Variants in PPM1L observed in about 807,000 individuals in gnomAD.
PPM1L encodes the protein protein phosphatase 1L.
PPM1L carries 13 observed loss-of-function variants against 31.4 expected under a neutral mutation model. The observed-to-expected ratio is 0.41, with a 90% CI of 0.27 to 0.66. The LOEUF (loss-of-function observed/expected upper bound fraction) is 0.66. PPM1L is among the 30% of genes least tolerant of loss of function. The pLI is 0.29. For synonymous variants in PPM1L, 184 were observed against 175.4 expected, an observed-to-expected ratio of 1.05 and a Z score of -0.39; for missense variants, 326 against 453.7, an observed-to-expected ratio of 0.72 and a Z score of 2.56.
chr3:160,949,874 A>C (rs1051432923), intron 1 of PPM1L, among the ~76,000 whole-genome samples: 1 of 152,224 alleles, frequency 6.6e-6, no homozygotes, highest in Non-Finnish European at 1.5e-5. Context: ...CAAGGTGATG[A>C]TTCCTATTTG....
intron 1 of PPM1L, among the ~76,000 whole-genome samples, chr3:160,768,017 G>A (rs111258776): frequency 0.017 from 2,529 of 152,212 alleles, 67 homozygotes; most frequent in African/African-American, 0.057. Flanking sequence ...ATCTTTGATC[G>A]TAGTGTTTAT....
At chr3:160,796,067 C>T (rs1712238172) in intron 1 of PPM1L, among the ~76,000 whole-genome samples, 1 of 152,210 alleles carries the variant, frequency 6.6e-6, no homozygotes, top group South Asian at 2.1e-4. Context: ...TCTCCTGATT[C>T]AAACCTGGGA....
intron 2 of PPM1L, among the ~76,000 whole-genome samples, chr3:160,964,811 T>C (rs11709802): frequency 0.87 from 132,502 of 151,946 alleles, 58,032 homozygotes; most frequent in Middle Eastern, 0.93. Flanking sequence ...GAATGAGTGT[T>C]GCTGTGTGTT....
At chr3:160,811,688 T>C (rs962521756) in intron 1 of PPM1L, among the ~76,000 whole-genome samples, 2 of 152,176 alleles carry the variant, frequency 1.3e-5, no homozygotes, top group Admixed American at 1.3e-4. Flanking sequence ...GCTAGATAGA[T>C]ATGGTTCTGA....
At chr3:160,886,602 G>T (rs1207022923) in intron 1 of PPM1L, among the ~76,000 whole-genome samples, 1 of 152,072 alleles carries the variant, frequency 6.6e-6, no homozygotes, top group Non-Finnish European at 1.5e-5. Context: ...GCAAACCGCA[G>T]CAGCCCTACA....
rs182497207 is a variant in PPM1L at position 160,919,626 on chromosome 3, G to A, written c.400-42110G>A. Among the ~76,000 whole-genome samples the A allele has an allele frequency of 1.2e-4, 19 of 152,144 alleles. No individual in the cohort carries two copies. The East Asian group carries it at 3.7e-3, about 29-fold the overall frequency. On this transcript the variant is annotated intron_variant, in intron 1 of 3. Transcript: ENST00000498165. ...TTGTTAGTTTGTTTTAGACTGAATA[G>A]TCTAATATATATAGTTATAATGTTA...
At chr3:160,799,940 C>T (rs1388736390) in intron 1 of PPM1L, among the ~76,000 whole-genome samples, 1 of 152,164 alleles carries the variant, frequency 6.6e-6, no homozygotes, top group Non-Finnish European at 1.5e-5. Flanking sequence ...ATGTAAGTCT[C>T]ACAAGGATAG....
chr3:160,803,217 C>T (rs1712487513), intron 1 of PPM1L, among the ~76,000 whole-genome samples: 1 of 152,198 alleles, frequency 6.6e-6, no homozygotes, highest in African/African-American at 2.4e-5. Context: ...ATGCTCATAC[C>T]ATTCACTTTC....
At chr3:161,038,525 C>G (rs1311195623) in intron 2 of PPM1L, among the ~76,000 whole-genome samples, 1 of 142,466 alleles carries the variant, frequency 7.0e-6, no homozygotes, top group Non-Finnish European at 1.5e-5. Flanking sequence ...TGCCCAGGCT[C>G]AAACTTCTGG....
intron 1 of PPM1L, among the ~76,000 whole-genome samples, chr3:160,783,779 AGCTTTCTGCATTGTGTCCT>A (rs1482381765): frequency 6.6e-6 from 1 of 152,152 alleles, no homozygotes; most frequent in Non-Finnish European, 1.5e-5. Context: ...GTTGAATCCC[AGCTTTCTGCATTGTGTCCT>A]GAGTTTCCCA....
chr3:161,000,474 G>A (rs1460261767), intron 2 of PPM1L, among the ~76,000 whole-genome samples: 3 of 152,080 alleles, frequency 2.0e-5, no homozygotes, highest in Non-Finnish European at 4.4e-5. Context: ...TTCAAAAAGT[G>A]ACCAGTAAAA....
intron 2 of PPM1L, among the ~76,000 whole-genome samples, chr3:161,005,077 T>C (rs1453608616): frequency 6.6e-6 from 1 of 152,200 alleles, no homozygotes; most frequent in Non-Finnish European, 1.5e-5. Context: ...CATCTTTATT[T>C]CTGCCTTCAT....
chr3:160,762,040 A>G (rs934753707), intron 1 of PPM1L, among the ~76,000 whole-genome samples: 3 of 152,198 alleles, frequency 2.0e-5, no homozygotes, highest in Admixed American at 2.0e-4. Context: ...CTTCTCTTAG[A>G]TATGTCATTT....
At chr3:160,932,320 CA>C (rs1477632481) in intron 1 of PPM1L, among the ~76,000 whole-genome samples, 1 of 152,180 alleles carries the variant, frequency 6.6e-6, no homozygotes, top group Non-Finnish European at 1.5e-5. Context: ...TATTTTGATA[CA>C]AATTATTTCC....
chr3:160,773,952 G>A (rs1711505311), intron 1 of PPM1L, among the ~76,000 whole-genome samples: 1 of 152,112 alleles, frequency 6.6e-6, no homozygotes, highest in South Asian at 2.1e-4. Context: ...AAGAAGGGCT[G>A]TGCTCAGTGT....
intron 1 of PPM1L, among the ~76,000 whole-genome samples, chr3:160,880,191 A>G (rs1447864078): frequency 6.6e-6 from 1 of 151,174 alleles, no homozygotes; most frequent in Non-Finnish European, 1.5e-5. Context: ...TGCTTTGACC[A>G]TTTTTTTTTA....
chr3:160,899,160 G>T (rs1450490586), intron 1 of PPM1L, among the ~76,000 whole-genome samples: 1 of 152,154 alleles, frequency 6.6e-6, no homozygotes, highest in East Asian at 1.9e-4. Flanking sequence ...GCTTGCCCCA[G>T]ATCACACAGG....
intron 2 of PPM1L, among the ~76,000 whole-genome samples, chr3:161,020,256 C>A (rs374621303): frequency 6.6e-6 from 1 of 151,642 alleles, no homozygotes; most frequent in Non-Finnish European, 1.5e-5. Context: ...CTCGTGTAGG[C>A]AAATTGGTTA....
chr3:160,816,007 A>G (rs1712983718), intron 1 of PPM1L, among the ~76,000 whole-genome samples: 1 of 152,164 alleles, frequency 6.6e-6, no homozygotes. Flanking sequence ...AAGTCACCTT[A>G]TACTCCTTTT....
Sources: allele counts gnomAD v4.1 joint callset (sites outside exome capture counted in the v4.1 genomes callset), GRCh38; gene constraint gnomAD v4.1.1; transcripts MANE v1.5; gene names NCBI Gene and HGNC (gene_info 2026-07-23, HGNC 2026-07-21).